Variants in DACH1 observed in about 807,000 individuals in gnomAD.
DACH1 encodes the protein dachshund homolog 1.
A neutral mutation model predicts 54.2 loss-of-function variants in DACH1; 12 were observed. The observed-to-expected ratio is 0.22, with a 90% CI of 0.14 to 0.36. The LOEUF is 0.36. DACH1 is among the 10% of genes least tolerant of loss of function. The pLI is 1.00. For synonymous variants in DACH1, 386 were observed against 366.2 expected (o/e 1.05, Z -0.62); for missense variants, 805 against 929.8 (o/e 0.87, Z 1.75).
chr13:71,606,496 T>C (rs1874891481), intron 3 of DACH1, among the ~76,000 whole-genome samples: 1 of 152,072 alleles, frequency 6.6e-6, no homozygotes, highest in East Asian at 1.9e-4. Flanking sequence ...ATAAAAAATC[T>C]TCCTGATAGT....
intron 10 of DACH1, among the ~76,000 whole-genome samples, chr13:71,459,029 A>G (rs1001612278): frequency 1.3e-5 from 2 of 151,904 alleles, no homozygotes; most frequent in East Asian, 1.9e-4. Flanking sequence ...TAGATTCAAC[A>G]AGAGTTACGG....
chr13:71,466,269 A>G (rs1383429494), intron 10 of DACH1, among the ~76,000 whole-genome samples: 2 of 152,122 alleles, frequency 1.3e-5, no homozygotes, highest in Non-Finnish European at 2.9e-5. Context: ...ATTTTTGACT[A>G]TTGGTCTTCC....
intron 6 of DACH1, among the ~76,000 whole-genome samples, chr13:71,496,269 A>G (rs1385921201): frequency 2.8e-4 from 18 of 64,804 alleles, no homozygotes; most frequent in Middle Eastern, 5.6e-3. Context: ...ATGTATATAT[A>G]TATATATATA....
At chr13:71,479,542 T>G (rs1877859419) in intron 7 of DACH1, among the ~76,000 whole-genome samples, 1 of 152,176 alleles carries the variant, frequency 6.6e-6, no homozygotes, top group Admixed American at 6.6e-5. Flanking sequence ...GTTTAATTGC[T>G]TCTAATTAGA....
chr13:71,851,031 G>A (rs1475981987), intron 1 of DACH1, among the ~76,000 whole-genome samples: 1 of 152,184 alleles, frequency 6.6e-6, no homozygotes, highest in Non-Finnish European at 1.5e-5. Flanking sequence ...ACGTCCATGA[G>A]TATGCTTACG....
intron 1 of DACH1, among the ~76,000 whole-genome samples, chr13:71,779,176 TAC>T (rs199927129): frequency 8.7e-6 from 1 of 115,474 alleles, no homozygotes; most frequent in South Asian, 2.4e-4. Context: ...CGTATATATA[TAC>T]ACATATATAC....
intron 6 of DACH1, among the ~76,000 whole-genome samples, chr13:71,541,792 A>G (rs1195391856): frequency 1.3e-5 from 2 of 152,086 alleles, no homozygotes; most frequent in Non-Finnish European, 2.9e-5. Context: ...TTTCAATTAT[A>G]TTAATTTTAA....
chr13:71,488,274 A>T (rs1016192176), intron 7 of DACH1, among the ~76,000 whole-genome samples: 1 of 152,218 alleles, frequency 6.6e-6, no homozygotes, highest in Non-Finnish European at 1.5e-5. Context: ...GAAGTAGATG[A>T]CAAAAATCTC....
intron 2 of DACH1, among the ~76,000 whole-genome samples, chr13:71,661,184 A>G (rs959512799): frequency 6.6e-6 from 1 of 151,400 alleles, no homozygotes; most frequent in Non-Finnish European, 1.5e-5. Context: ...TATATGACTC[A>G]TAAGAACAAT....
At chr13:71,508,101 G>T (rs1371388367) in intron 6 of DACH1, among the ~76,000 whole-genome samples, 1 of 152,168 alleles carries the variant, frequency 6.6e-6, no homozygotes, top group African/African-American at 2.4e-5. Context: ...CTTCTTCAGG[G>T]TCATTATGGA....
chr13:71,764,179 C>T (rs9572780), intron 1 of DACH1, among the ~76,000 whole-genome samples: 22,835 of 152,106 alleles, frequency 0.15, 3,577 homozygotes, highest in East Asian at 0.85. Context: ...GTCTCTAGCT[C>T]TAACTTATGC....
chr13:71,816,217 ACAGT>A (rs1352897578), intron 1 of DACH1, among the ~76,000 whole-genome samples: 1 of 152,280 alleles, frequency 6.6e-6, no homozygotes, highest in African/African-American at 2.4e-5. Context: ...CAACAGAAAC[ACAGT>A]CAGGGGTTTC....
intron 1 of DACH1, among the ~76,000 whole-genome samples, chr13:71,686,108 C>G (rs1362009839): frequency 6.6e-6 from 1 of 152,148 alleles, no homozygotes; most frequent in East Asian, 1.9e-4. Context: ...TCTCCTAGCT[C>G]TAATCAAACG....
intron 6 of DACH1, among the ~76,000 whole-genome samples, chr13:71,510,189 T>C (rs1475993808): frequency 6.6e-6 from 1 of 152,082 alleles, no homozygotes; most frequent in Non-Finnish European, 1.5e-5. Flanking sequence ...CATTCTTATC[T>C]AGTCCTTTTA....
chr13:71,585,312 GA>G (rs560757949), intron 3 of DACH1, among the ~76,000 whole-genome samples: 11 of 151,784 alleles, frequency 7.2e-5, no homozygotes, highest in African/African-American at 2.7e-4. Context: ...ATGTGTGTTG[GA>G]AAAAAAATAT....
At chr13:71,799,050 G>A (rs1011567774) in intron 1 of DACH1, among the ~76,000 whole-genome samples, 2 of 152,058 alleles carry the variant, frequency 1.3e-5, no homozygotes, top group African/African-American at 4.8e-5. Context: ...TTTTGAGGAA[G>A]CTAAAGTTTC....
chr13:71,580,990 T>C (rs921440708), intron 3 of DACH1, among the ~76,000 whole-genome samples: 40 of 147,548 alleles, frequency 2.7e-4, no homozygotes, highest in Non-Finnish European at 5.6e-4. Flanking sequence ...AAGAAAAATA[T>C]TTTAAAAGTT....
In DACH1 at chr13:71,610,791, T is replaced by C. The variant is rs549201235; in HGVS notation, c.1126+19765A>G. On this transcript the variant is annotated intron_variant, in intron 3 of 10. Transcript: ENST00000613252. ...AAAGGATCTTAAAAGATCTCTCAAC[T>C]GTTTCTAGAACTTCTAGTGTTAAAT... is the stretch of plus-strand genomic sequence containing the variant. 3.9e-5 allele frequency among the ~76,000 whole-genome samples: 6 copies of C among 152,312 alleles called. No individual in the cohort carries two copies. In the East Asian group the frequency reaches 1.2e-3, roughly 29 times the overall value.
chr13:71,765,393 T>C (rs528202443), intron 1 of DACH1, among the ~76,000 whole-genome samples: 12 of 152,340 alleles, frequency 7.9e-5, no homozygotes, highest in Admixed American at 2.6e-4. Flanking sequence ...GCTCTTTTTA[T>C]TTTCCACAGG....
Sources: allele counts gnomAD v4.1 joint callset (sites outside exome capture counted in the v4.1 genomes callset), GRCh38; gene constraint gnomAD v4.1.1; transcripts MANE v1.5; gene names NCBI Gene and HGNC (gene_info 2026-07-23, HGNC 2026-07-21).